The following MYT1L variants were observed in gnomAD, a reference collection of about 807,000 sequenced individuals.
MYT1L encodes myelin transcription factor 1 like, also known as myelin transcription factor 1-like protein.
A neutral mutation model predicts 126.7 loss-of-function variants in MYT1L; 12 were observed. The observed-to-expected ratio is 0.09, with a 90% CI of 0.06 to 0.15. The LOEUF is 0.15. MYT1L is among the 10% of genes least tolerant of loss of function. The probability of loss-of-function intolerance (pLI) is 1.00; values close to 1 mark genes in which losing one functional copy is unlikely to be tolerated. For synonymous variants in MYT1L, 541 were observed against 604.2 expected (o/e 0.90, Z 1.53); for missense variants, 979 against 1,585.2 (o/e 0.62, Z 6.49).
chr2:2,039,946 C>A (rs2150005035), intron 4 of MYT1L, among the ~76,000 whole-genome samples: 1 of 152,226 alleles, frequency 6.6e-6, no homozygotes, highest in South Asian at 2.1e-4. Context: ...ACAGACATGA[C>A]AAACAGGCAG....
intron 2 of MYT1L, among the ~76,000 whole-genome samples, chr2:2,201,107 A>G (rs1320823235): frequency 6.6e-6 from 1 of 152,214 alleles, no homozygotes; most frequent in African/African-American, 2.4e-5. Context: ...TACTGAGTGG[A>G]AAAAATAAAT....
chr2:1,980,247 C>T (rs1303168119), intron 5 of MYT1L, among the ~76,000 whole-genome samples: 1 of 145,922 alleles, frequency 6.9e-6, no homozygotes, highest in East Asian at 2.0e-4. Context: ...TATATATATA[C>T]CTTTCAGTTA....
intron 2 of MYT1L, among the ~76,000 whole-genome samples, chr2:2,241,714 C>T (rs4341968): frequency 0.45 from 67,713 of 152,052 alleles, 15,406 homozygotes; most frequent in East Asian, 0.77. Context: ...AGGCAGCACA[C>T]GTGTCCACTG....
At chr2:2,032,417 C>T (rs1574678715) in intron 4 of MYT1L, among the ~76,000 whole-genome samples, 1 of 83,558 alleles carries the variant, frequency 1.2e-5, no homozygotes, top group Non-Finnish European at 2.3e-5. Context: ...GCCTTACACA[C>T]ACCCTCGCCA....
rs2048327794 is a variant in MYT1L, at chr2:1,887,691, T to C, written c.2521-82A>G. 1 of 1,565,584 alleles carries C rather than the reference T, an allele frequency of 6.4e-7. No homozygotes were observed. The highest frequency in any genetic ancestry group is 2.2e-5 in the East Asian group (1 of 44,582). ...AGGGAGGTGGTTCGTGGCTCTGGGG[T>C]GGCCTCTACATCTTACACCTCTTTC... On this transcript the variant is annotated intron_variant, in intron 16 of 24. Transcript: ENST00000647738. This position sits in a 1 kb window ranked among gnomAD's most constrained non-coding sequence, Gnocchi z 4.8.
intron 8 of MYT1L, among the ~76,000 whole-genome samples, chr2:1,951,058 G>A (rs1558510271): frequency 6.6e-6 from 1 of 152,126 alleles, no homozygotes; most frequent in Non-Finnish European, 1.5e-5. Context: ...GGAGACTCAG[G>A]TCTTTGCTGG....
rs143451653 is a variant in MYT1L at position 1,922,132 on chromosome 2, C to T, written c.1483+154G>A. Among the ~76,000 whole-genome samples, 37 of 152,226 alleles carry T rather than the reference C, an allele frequency of 2.4e-4. No homozygotes were observed. Among genetic ancestry groups the T allele is most frequent in the Middle Eastern group, 3.4e-3 (1 of 294 alleles). ...AAATATTTTATTTGCTTGTCAGAAACGTAATCACAAAATATCCTTCTGGAA... is the reference window on the plus strand; with the variant it reads ...AAATATTTTATTTGCTTGTCAGAAATGTAATCACAAAATATCCTTCTGGAA... On this transcript the variant is annotated intron_variant, in intron 10 of 24. Transcript: ENST00000647738. The surrounding 1 kb of genome is among the most constrained non-coding windows in gnomAD (Gnocchi z 7.4).
intron 17 of MYT1L, 43 bp from the exon 18 acceptor site, chr2:1,886,650 C>G: frequency 7.5e-7 from 1 of 1,338,402 alleles, no homozygotes; most frequent in Non-Finnish European, 1.0e-6. Flanking sequence ...AACTGCGAAG[C>G]GCGTAACTCC....
At chr2:2,099,732 C>T (rs1190969888) in intron 3 of MYT1L, among the ~76,000 whole-genome samples, 2 of 152,136 alleles carry the variant, frequency 1.3e-5, no homozygotes, top group African/African-American at 2.4e-5. Flanking sequence ...CACCAGATAC[C>T]GTGAAGACGT....
chr2:1,922,524 C>T lies in MYT1L; in HGVS notation c.1245G>A (p.Val415=), dbSNP rs1346721144. The T allele has an allele frequency of 1.9e-6, 3 of 1,613,966 alleles. No homozygotes were observed. The highest frequency in any genetic ancestry group is 1.6e-4 in the Middle Eastern group (1 of 6,062). ...ACACCTCTTCAGACCTGTCCGAGTT[C>T]ACAGAGGTGGTATCGTCGTCCCGCT... is the stretch of plus-strand genomic sequence containing the variant. ...CHERDDDTTS[V]NSDRSEEVFD... Residue 415 remains valine (V), a synonymous_variant, in exon 10 of 25, where the codon GTG becomes GTA. Coordinates refer to ENST00000647738, the MANE Select transcript of MYT1L (RefSeq NM_001303052.2). The surrounding 1 kb of genome is among the most constrained non-coding windows in gnomAD (Gnocchi z 7.4).
At chr2:2,023,648 G>A (rs1461163590) in intron 4 of MYT1L, among the ~76,000 whole-genome samples, 1 of 151,186 alleles carries the variant, frequency 6.6e-6, no homozygotes, top group Admixed American at 6.6e-5. Flanking sequence ...AAACAACATA[G>A]AGGACTGAAT....
intron 8 of MYT1L, among the ~76,000 whole-genome samples, chr2:1,956,619 T>C (rs75245863): frequency 0.076 from 10,247 of 134,094 alleles, 559 homozygotes; most frequent in African/African-American, 0.11. Context: ...TATCTATCTA[T>C]CTACCTACCT....
At chr2:2,053,149 G>C (rs200748310) in intron 4 of MYT1L, among the ~76,000 whole-genome samples, 1 of 152,170 alleles carries the variant, frequency 6.6e-6, no homozygotes, top group South Asian at 2.1e-4. Flanking sequence ...AAGTGAAAGA[G>C]AGCAGTCACA....
intron 3 of MYT1L, among the ~76,000 whole-genome samples, chr2:2,054,593 G>T: frequency 6.6e-6 from 1 of 152,054 alleles, no homozygotes; most frequent in East Asian, 1.9e-4. Flanking sequence ...GACACATGGA[G>T]ATGAGACACA....
At chr2:1,905,202 T>C (rs905558189) in intron 13 of MYT1L, among the ~76,000 whole-genome samples, 2 of 152,182 alleles carry the variant, frequency 1.3e-5, no homozygotes, top group African/African-American at 4.8e-5. Flanking sequence ...TAACAAAATA[T>C]TGAATTTTAA....
chr2:2,064,138 G>T (rs2150173742), intron 3 of MYT1L, among the ~76,000 whole-genome samples: 1 of 152,324 alleles, frequency 6.6e-6, no homozygotes, highest in African/African-American at 2.4e-5. Flanking sequence ...GAAGCCCAGA[G>T]AAAGGGGCTA....
Position 1,917,374 on chromosome 2 carries a change from T to C in MYT1L, c.1484-35A>G. The C allele has an allele frequency of 6.4e-7, 1 of 1,568,354 alleles. No individual in the cohort carries two copies. The highest frequency in any genetic ancestry group is 8.7e-7 in the Non-Finnish European group (1 of 1,152,296). On this transcript the variant is annotated intron_variant, in intron 10 of 24. Coordinates refer to ENST00000647738, the MANE Select transcript of MYT1L (RefSeq NM_001303052.2). The surrounding 1 kb of genome is among the most constrained non-coding windows in gnomAD (Gnocchi z 5.9). ...ACAACAGGTGCCAAGAGAATAAATG[T>C]TTACCAATCAAAGACAAATGTGATT...
intron 3 of MYT1L, among the ~76,000 whole-genome samples, chr2:2,063,143 T>C (rs533141035): frequency 6.6e-6 from 1 of 152,348 alleles, no homozygotes; most frequent in East Asian, 1.9e-4. Context: ...TTTAAATTTC[T>C]AAGTGATCTC....
chr2:1,946,381 C>T (rs2057227889), intron 8 of MYT1L, among the ~76,000 whole-genome samples: 1 of 152,132 alleles, frequency 6.6e-6, no homozygotes. Context: ...CACCCCCAAA[C>T]CATGGAAAAG....
Sources: allele counts gnomAD v4.1 joint callset (sites outside exome capture counted in the v4.1 genomes callset), GRCh38; gene constraint gnomAD v4.1.1; non-coding constraint Gnocchi (gnomAD v3.1); transcripts MANE v1.5; gene names NCBI Gene and HGNC (gene_info 2026-07-23, HGNC 2026-07-21).